The following MUC5AC variants were observed in gnomAD, a reference collection of about 807,000 sequenced individuals.
MUC5AC encodes the protein mucin 5AC, oligomeric mucus/gel-forming, also known as mucin-5AC.
In MUC5AC, 158 loss-of-function variants were observed where a neutral mutation model predicts 169.7. The observed-to-expected ratio is 0.93, with a 90% CI of 0.82 to 1.06. The LOEUF is 1.06. MUC5AC is among the 50% of genes least tolerant of loss of function. MUC5AC has a pLI of 0.00. For missense variants in MUC5AC, 4,359 were observed against 3,089.9 expected (o/e 1.41, Z -9.74); for synonymous variants, 1,975 against 1,237.0 (o/e 1.60, Z -12.52).
intron 19 of MUC5AC, 149 bp from the exon 20 acceptor site, chr11:1,176,002 A>T: frequency 2.5e-6 from 1 of 394,570 alleles, no homozygotes; most frequent in Non-Finnish European, 4.4e-6. Context: ...ACGCTCACAC[A>T]CCCACTCATG....
chr11:1,186,556 C>G lies in MUC5AC; in HGVS notation c.8411C>G (p.Thr2804Arg), dbSNP rs1860951844. The G allele has an allele frequency of 4.3e-6, 3 of 702,670 alleles. No homozygotes were observed. The highest frequency in any genetic ancestry group is 7.8e-6 in the Non-Finnish European group (3 of 384,888). The allele number at this position is 702,670 out of a possible 1,614,324, so 43.5% of individuals were successfully genotyped here. A position where few individuals can be genotyped will look rare whatever the true frequency, so the allele number is the denominator to read the frequency against. The change falls in exon 31 of 49, where the codon ACA becomes AGA. Residue 2804 changes from threonine (T) to arginine (R), a missense_variant. Physicochemically the swap from Thr to Arg is moderately conservative, Grantham distance 71. Transcript: ENST00000621226. The stretch of plus-strand genomic sequence containing the variant: ...ACAACCTCTACTACTATAACCAGCA[C>G]AACTTCTGCCCCTATAAGCAGCACA... ...TSTTSTTITS[T>R]TSAPISSTTS...
Position 1,190,483 on chromosome 11 carries a change from C to A in MUC5AC, c.12338C>A (p.Thr4113Lys). Residue 4113 changes from threonine to lysine, a missense_variant, in exon 31 of 49, where the codon ACA (threonine) becomes AAA (lysine). Physicochemically the swap from Thr to Lys is moderately conservative, Grantham distance 78. Coordinates refer to ENST00000621226, the MANE Select transcript of MUC5AC (RefSeq NM_001304359.2). ...ACAACCTCTGCCCCTACAACCAGCA[C>A]AATCCCTGCTTCTACACCCAGCACA... is the stretch of plus-strand genomic sequence containing the variant. ...TSTTSAPTTS[T>K]IPASTPSTTS... is the part of the protein sequence containing the mutation. 1.9e-5 allele frequency: 13 copies of A among 700,570 alleles called. No homozygotes were observed. In the South Asian group the frequency reaches 2.0e-4, roughly 11 times the overall value. The allele number at this position is 700,570 out of a possible 1,614,324, so 43.4% of individuals were successfully genotyped here. A position where few individuals can be genotyped will look rare whatever the true frequency, so the allele number is the denominator to read the frequency against.
rs1362651160 is a variant in MUC5AC, at chr11:1,189,539, C to A, written c.11394C>A (p.Ser3798Arg). 5 of 599,546 alleles carry A rather than the reference C, an allele frequency of 8.3e-6. No homozygotes were observed. The highest frequency in any genetic ancestry group is 2.9e-5 in the Admixed American group (1 of 34,212). The allele number at this position is 599,546 out of a possible 1,614,324, so 37.1% of individuals were successfully genotyped here. A position where few individuals can be genotyped will look rare whatever the true frequency, so the allele number is the denominator to read the frequency against. Residue 3798 changes from serine (S) to arginine (R), a missense_variant, in exon 31 of 49, where the codon AGC (serine) becomes AGA (arginine). Ser to Arg is a moderately radical substitution (Grantham distance 110, BLOSUM62 -1). Transcript: ENST00000621226. ...ITSTISAPTT[S>R]TTSTPQTSTI... is the part of the protein sequence containing the mutation. ...GCACAATCTCTGCCCCTACAACCAGCACAACCTCCACTCCACAGACCAGCA... is the reference window on the plus strand; with the variant it reads ...GCACAATCTCTGCCCCTACAACCAGAACAACCTCCACTCCACAGACCAGCA...
rs1361720118 is a variant in MUC5AC, at chr11:1,183,204, G to A, written c.5059G>A (p.Val1687Ile). 20 of 375,008 alleles carry A rather than the reference G, an allele frequency of 5.3e-5. 1 individual carries two copies. The highest frequency in any genetic ancestry group is 8.4e-5 in the Non-Finnish European group (19 of 225,750). The allele number at this position is 375,008 out of a possible 1,614,324, so 23.2% of individuals were successfully genotyped here. ...AGACATCACCAGACTGCCAAAGACCGTCGCAACGACACGGCCGACTCCACA... is the reference window on the plus strand; with the variant it reads ...AGACATCACCAGACTGCCAAAGACCATCGCAACGACACGGCCGACTCCACA... Reference protein sequence around the residue: ...CRDITRLPKTVATTRPTPHPT... With the variant: ...CRDITRLPKTIATTRPTPHPT... The change falls in exon 31 of 49, where the codon GTC becomes ATC. Residue 1687 changes from valine to isoleucine, a missense_variant. Transcript: ENST00000621226.
intron 1 of MUC5AC, among the ~76,000 whole-genome samples, chr11:1,159,100 C>T (rs1021536429): frequency 2.0e-5 from 3 of 152,136 alleles, no homozygotes; most frequent in Admixed American, 6.5e-5. Context: ...AGGCTCAGGC[C>T]GTCATCTCCG....
chr11:1,198,544 C>T (rs1861342858), intron 43 of MUC5AC, among the ~76,000 whole-genome samples: 1 of 150,910 alleles, frequency 6.6e-6, no homozygotes, highest in Non-Finnish European at 1.5e-5. Flanking sequence ...GACTTTGCCT[C>T]TCCTGGCACC....
Position 1,195,966 on chromosome 11 carries a change from G to A in MUC5AC, c.15549G>A (p.Val5183=), listed in dbSNP as rs1590152972. Residue 5183 remains valine (V), a synonymous_variant, in exon 37 of 49, where the codon GTG becomes GTA. Coordinates refer to ENST00000621226, the MANE Select transcript of MUC5AC (RefSeq NM_001304359.2). ...FDRCHMTDLD[V]VCSSLELYAA... ...GGTGCCACATGACGGACCTGGATGTGGTGTGCTCCAGCCTGGAGCTGTACG... is the reference window on the plus strand; with the variant it reads ...GGTGCCACATGACGGACCTGGATGTAGTGTGCTCCAGCCTGGAGCTGTACG... The A allele has an allele frequency of 1.3e-6, 1 of 765,030 alleles. No individual in the cohort carries two copies. Among genetic ancestry groups the A allele is most frequent in the Non-Finnish European group, 2.4e-6 (1 of 417,814 alleles). 47.4% of individuals were successfully genotyped at this position (765,030 alleles called of 1,614,324 possible). A position where few individuals can be genotyped will look rare whatever the true frequency, so the allele number is the denominator to read the frequency against.
chr11:1,162,559 G>A lies in MUC5AC; in HGVS notation c.501G>A (p.Gly167=). 1 of 1,612,622 alleles carries A rather than the reference G, an allele frequency of 6.2e-7. No homozygotes were observed. Among genetic ancestry groups the A allele is most frequent in the Non-Finnish European group, 8.5e-7 (1 of 1,179,836 alleles). ...TCCTGCTGCCCTTCAGCCAGTCTGG[G>A]GTCCTCATTCAGCAGAGCAGCAGCT... ...HPVLLPFSQS[G]VLIQQSSSYT... is the part of the protein sequence containing the mutation. Residue 167 remains glycine (G), a synonymous_variant, in exon 5 of 49, where the codon GGG becomes GGA. Transcript: ENST00000621226.
Position 1,163,972 on chromosome 11 carries a change from G to T in MUC5AC, c.770G>T (p.Arg257Met), listed in dbSNP as rs748774717. The T allele has an allele frequency of 6.2e-7, 1 of 1,611,116 alleles. No individual in the cohort carries two copies. Among genetic ancestry groups the T allele is most frequent in the South Asian group, 1.1e-5 (1 of 90,746 alleles). ...QCQDPVPEPP[R>M]NCSTGFGICE... The stretch of plus-strand genomic sequence containing the variant: ...CAGGACCCTGTCCCTGAACCCCCGA[G>T]GAACTGCTCCACTGGCTTTGTAAGC... The change falls in exon 7 of 49, where the codon AGG becomes ATG. Residue 257 changes from arginine to methionine, a missense_variant. Physicochemically the swap from Arg to Met is moderately conservative, Grantham distance 91. Transcript: ENST00000621226.
intron 15 of MUC5AC, among the ~76,000 whole-genome samples, chr11:1,171,351 TCAC>T (rs1860523034): frequency 9.5e-6 from 1 of 105,454 alleles, no homozygotes; most frequent in African/African-American, 3.8e-5. Context: ...ATTCACTCAC[TCAC>T]TCACCCACTC....
intron 36 of MUC5AC, among the ~76,000 whole-genome samples, 186 bp from the exon 37 acceptor site, chr11:1,195,690 C>A (rs1861253074): frequency 7.7e-6 from 1 of 130,472 alleles, no homozygotes; most frequent in Non-Finnish European, 1.6e-5. Context: ...GACCCCCACC[C>A]CCCGCCCCCA....
At chr11:1,199,826 C>A (rs1020139199) in intron 47 of MUC5AC, 29 bp from the exon 48 acceptor site, 1 of 748,784 alleles carries the variant, frequency 1.3e-6, no homozygotes, top group South Asian at 1.4e-5. Context: ...AGCAGCTGGG[C>A]TGGTCCTAAA....
In MUC5AC at chr11:1,188,119, G is replaced by C. The variant is rs1157983570; in HGVS notation, c.9974G>C (p.Gly3325Ala). 2.7e-6 allele frequency: 2 copies of C among 731,830 alleles called. No individual in the cohort carries two copies. Among genetic ancestry groups the C allele is most frequent in the African/African-American group, 3.4e-5 (2 of 58,306 alleles). The allele number at this position is 731,830 out of a possible 1,614,324, so 45.3% of individuals were successfully genotyped here. A position where few individuals can be genotyped will look rare whatever the true frequency, so the allele number is the denominator to read the frequency against. Residue 3325 changes from glycine to alanine, a missense_variant, in exon 31 of 49, where the codon GGT (glycine) becomes GCT (alanine). Physicochemically the swap from Gly to Ala is moderately conservative, Grantham distance 60 (BLOSUM62 0). Coordinates refer to ENST00000621226, the MANE Select transcript of MUC5AC (RefSeq NM_001304359.2). ...VRVLCCETPK[G>A]CPVTSTPVTA... ...GTGCTCTGCTGCGAGACCCCTAAAG[G>C]TTGCCCCGTGACCTCCACACCTGTG...
chr11:1,165,346 T>C lies in MUC5AC; in HGVS notation c.1174T>C (p.Ser392Pro). The C allele has an allele frequency of 6.2e-7, 1 of 1,612,402 alleles. No individual in the cohort carries two copies. Reference sequence around the variant, plus strand: ...CGGCCAGACCGGCTGTGTCCCTGTGTCAAAGTGTGCCTGCGTCTACAACGG... The same window carrying C: ...CGGCCAGACCGGCTGTGTCCCTGTGCCAAAGTGTGCCTGCGTCTACAACGG... ...DIGQTGCVPVSKCACVYNGAA... is the reference protein window; with the variant it reads ...DIGQTGCVPVPKCACVYNGAA... The change falls in exon 10 of 49, where the codon TCA becomes CCA. Residue 392 changes from serine (S) to proline (P), a missense_variant. Ser to Pro is a moderately conservative substitution (Grantham distance 74, BLOSUM62 -1). Transcript: ENST00000621226.
chr11:1,175,526 C>CTCATGCACACACACCCAT (rs1755666625), intron 19 of MUC5AC, among the ~76,000 whole-genome samples: 13 of 150,668 alleles, frequency 8.6e-5, no homozygotes, highest in Admixed American at 3.3e-4. Flanking sequence ...GACACGCCCA[C>CTCATGCACACACACCCAT]TCATGCACAC....
intron 41 of MUC5AC, 104 bp from the exon 42 acceptor site, chr11:1,197,799 G>A (rs550202059): frequency 1.2e-5 from 8 of 640,844 alleles, no homozygotes; most frequent in African/African-American, 5.4e-5. Context: ...GGAGACCCCC[G>A]AGCGGGCTGT....
intron 4 of MUC5AC, 76 bp from the exon 5 acceptor site, chr11:1,162,456 C>A: frequency 7.5e-7 from 1 of 1,328,510 alleles, no homozygotes; most frequent in Non-Finnish European, 1.1e-6. Flanking sequence ...GTCACATTTG[C>A]GACCGCAGGC....
Position 1,175,245 on chromosome 11 carries a change from C to T in MUC5AC, c.2376C>T (p.Cys792=), listed in dbSNP as rs1860642524. The change falls in exon 19 of 49, where the codon TGC becomes TGT. Residue 792 remains cysteine, a synonymous_variant. Transcript: ENST00000621226. ...CCTGCACACATGGGAAGCTGAGCTG[C>T]ATCGGAGGCCAAGCCCCCGCCCCAG... ...ICTCTHGKLS[C]IGGQAPAPVC... 1 of 398,710 alleles carries T rather than the reference C, an allele frequency of 2.5e-6. No homozygotes were observed. The highest frequency in any genetic ancestry group is 4.4e-6 in the Non-Finnish European group (1 of 226,108). The allele number at this position is 398,710 out of a possible 1,614,324, so 24.7% of individuals were successfully genotyped here. A position where few individuals can be genotyped will look rare whatever the true frequency, so the allele number is the denominator to read the frequency against.
intron 32 of MUC5AC, 40 bp from the exon 33 acceptor site, chr11:1,193,445 C>T (rs1227733439): frequency 7.3e-6 from 5 of 684,802 alleles, no homozygotes; most frequent in South Asian, 3.0e-5. Flanking sequence ...CCCCGGAGAT[C>T]GGGAGAGGCC....
Sources: gnomAD v4.1 joint callset for allele counts (sites outside exome capture counted in the v4.1 genomes callset) on GRCh38, gnomAD v4.1.1 for gene constraint, MANE v1.5 for transcripts, NCBI Gene and HGNC (gene_info 2026-07-23, HGNC 2026-07-21) for gene names.